Variants in MAGI1 observed in about 807,000 individuals in gnomAD.
MAGI1 encodes the protein membrane associated guanylate kinase, WW and PDZ domain containing 1.
In MAGI1, 58 loss-of-function variants were observed where a neutral mutation model predicts 139.9. The observed-to-expected ratio is 0.41, with a 90% CI of 0.34 to 0.52. The LOEUF (loss-of-function observed/expected upper bound fraction) is 0.52. MAGI1 is among the 20% of genes least tolerant of loss of function. MAGI1 has a pLI of 0.12. For synonymous variants in MAGI1, 812 were observed against 737.9 expected (o/e 1.10, Z -1.63); for missense variants, 1,874 against 1,901.6 (o/e 0.99, Z 0.27).
At chr3:65,536,017 T>C (rs1271390655) in intron 2 of MAGI1, among the ~76,000 whole-genome samples, 2 of 152,238 alleles carry the variant, frequency 1.3e-5, no homozygotes, top group East Asian at 3.9e-4. Flanking sequence ...AATGGAGAAA[T>C]CCAACTCATG....
At chr3:65,608,093 A>T (rs190535483) in intron 2 of MAGI1, among the ~76,000 whole-genome samples, 2 of 152,310 alleles carry the variant, frequency 1.3e-5, no homozygotes, top group Admixed American at 1.3e-4. Context: ...ATAGAATCAA[A>T]ATTTAAAACC....
intron 1 of MAGI1, among the ~76,000 whole-genome samples, chr3:65,900,536 T>C (rs538675015): frequency 2.6e-5 from 4 of 152,342 alleles, no homozygotes; most frequent in African/African-American, 9.6e-5. Context: ...TATCTGTCTG[T>C]CCAACACCAC....
At chr3:65,728,797 G>A (rs1323304586) in intron 1 of MAGI1, among the ~76,000 whole-genome samples, 4 of 152,214 alleles carry the variant, frequency 2.6e-5, no homozygotes, top group Admixed American at 2.6e-4. Flanking sequence ...GGAACTTGGG[G>A]ATAAAACTTT....
intron 1 of MAGI1, among the ~76,000 whole-genome samples, chr3:65,835,267 A>G (rs2042743820): frequency 6.6e-6 from 1 of 152,092 alleles, no homozygotes; most frequent in Non-Finnish European, 1.5e-5. Context: ...TATTTATTTT[A>G]CTGTCAGGGA....
At chr3:65,970,641 C>A (rs541991608) in intron 1 of MAGI1, among the ~76,000 whole-genome samples, 4 of 152,120 alleles carry the variant, frequency 2.6e-5, no homozygotes, top group Admixed American at 2.6e-4. Flanking sequence ...TGAACCCAAC[C>A]CCACACTCTG....
intron 1 of MAGI1, among the ~76,000 whole-genome samples, chr3:65,995,037 T>C (rs1194885654): frequency 6.6e-6 from 1 of 152,108 alleles, no homozygotes; most frequent in Non-Finnish European, 1.5e-5. Flanking sequence ...CATGGAGTTC[T>C]TAGACAGAAA....
chr3:65,715,124 A>G (rs771619814), intron 1 of MAGI1, among the ~76,000 whole-genome samples: 3 of 152,204 alleles, frequency 2.0e-5, no homozygotes, highest in Non-Finnish European at 4.4e-5. Flanking sequence ...TTCAAAGTGA[A>G]GACTTACCTA....
At chr3:65,597,576 G>A (rs1425531077) in intron 2 of MAGI1, 3 of 432,928 alleles carry the variant, frequency 6.9e-6, no homozygotes, top group Non-Finnish European at 1.4e-5. Context: ...GCAGCCATCT[G>A]GCCCTCCCAA....
At chr3:65,852,257 T>G (rs1027232032) in intron 1 of MAGI1, among the ~76,000 whole-genome samples, 3 of 152,170 alleles carry the variant, frequency 2.0e-5, no homozygotes, top group African/African-American at 7.2e-5. Context: ...TAGCTGGCGA[T>G]GGAAGTAGCA....
intron 1 of MAGI1, chr3:65,893,892 A>T (rs1021847778): frequency 6.6e-6 from 1 of 152,208 alleles, no homozygotes; most frequent in Non-Finnish European, 1.5e-5. Flanking sequence ...TCAATGGCCC[A>T]GGGCTAGAAT....
At chr3:65,754,330 G>C (rs2036393134) in intron 1 of MAGI1, among the ~76,000 whole-genome samples, 1 of 152,118 alleles carries the variant, frequency 6.6e-6, no homozygotes, top group African/African-American at 2.4e-5. Flanking sequence ...AAAATAATGA[G>C]CTAATTACTG....
chr3:65,744,668 A>G (rs186535029), intron 1 of MAGI1, among the ~76,000 whole-genome samples: 165 of 152,156 alleles, frequency 1.1e-3, no homozygotes, highest in South Asian at 2.5e-3. Context: ...AATGATAAGA[A>G]AGACTGTCAG....
intron 1 of MAGI1, among the ~76,000 whole-genome samples, chr3:65,709,445 C>T (rs940006877): frequency 3.3e-5 from 5 of 152,218 alleles, no homozygotes; most frequent in African/African-American, 1.2e-4. Flanking sequence ...TCTATTAATA[C>T]ATCTGAGGTC....
intron 14 of MAGI1, among the ~76,000 whole-genome samples, chr3:65,384,972 C>T (rs1943337731): frequency 6.6e-6 from 1 of 152,082 alleles, no homozygotes; most frequent in Non-Finnish European, 1.5e-5. Flanking sequence ...TCAGCCAGGC[C>T]TCCAAATCCT....
At chr3:65,518,990 C>T (rs572069079) in intron 2 of MAGI1, among the ~76,000 whole-genome samples, 6 of 152,074 alleles carry the variant, frequency 3.9e-5, no homozygotes, top group Non-Finnish European at 8.8e-5. Context: ...GTAAAATATG[C>T]ACAGAGGACT....
chr3:65,367,793 T>A lies in MAGI1; in HGVS notation c.3197-2847A>T, dbSNP rs114710521. Among the ~76,000 whole-genome samples the A allele has an allele frequency of 6.9e-3, 1,047 of 152,316 alleles. 17 individuals carry two copies. Among genetic ancestry groups the A allele is most frequent in the African/African-American group, 0.023 (971 of 41,566 alleles). On this transcript the variant is annotated intron_variant, in intron 18 of 22. Transcript: ENST00000402939. ...TTTACGTAGGAATCATGTGTTGGTATTGAGGAAATCATATCTAATTGGAAC... is the reference window on the plus strand; with the variant it reads ...TTTACGTAGGAATCATGTGTTGGTAATGAGGAAATCATATCTAATTGGAAC...
At chr3:65,928,217 C>G (rs1370888887) in intron 1 of MAGI1, among the ~76,000 whole-genome samples, 1 of 152,174 alleles carries the variant, frequency 6.6e-6, no homozygotes, top group African/African-American at 2.4e-5. Context: ...GCAACTCCTC[C>G]CAATACTAGG....
intron 1 of MAGI1, among the ~76,000 whole-genome samples, chr3:65,706,653 T>G (rs61647751): frequency 0.17 from 25,143 of 151,836 alleles, 2,322 homozygotes; most frequent in South Asian, 0.28. Context: ...AGACAGGGGA[T>G]GAGAAGGGAA....
intron 1 of MAGI1, among the ~76,000 whole-genome samples, chr3:65,651,505 A>G (rs904003308): frequency 3.9e-5 from 6 of 152,134 alleles, no homozygotes; most frequent in Admixed American, 6.5e-5. Flanking sequence ...AGCTGTGCAC[A>G]TGGAGACCTT....
Sources: allele counts gnomAD v4.1 joint callset (sites outside exome capture counted in the v4.1 genomes callset), GRCh38; gene constraint gnomAD v4.1.1; transcripts MANE v1.5; gene names NCBI Gene and HGNC (gene_info 2026-07-23, HGNC 2026-07-21).